Variants in MYO1D observed in about 807,000 individuals in gnomAD.
MYO1D encodes the protein myosin ID, also known as unconventional myosin-Id.
MYO1D carries 83 observed loss-of-function variants against 122.0 expected under a neutral mutation model. That is an observed-to-expected ratio of 0.68 (90% CI 0.57 to 0.82). The LOEUF is 0.82. Among genes scored for constraint, MYO1D ranks in the 40% least tolerant of loss-of-function variants. The pLI is 0.00. For synonymous variants in MYO1D, 464 were observed against 446.9 expected (o/e 1.04, Z -0.48); for missense variants, 1,157 against 1,269.5 (o/e 0.91, Z 1.35).
At chr17:32,737,384 A>T (rs2089716737) in intron 14 of MYO1D, among the ~76,000 whole-genome samples, 1 of 151,086 alleles carries the variant, frequency 6.6e-6, no homozygotes, top group Non-Finnish European at 1.5e-5. Context: ...TTTTTGAGAC[A>T]AGGTCCTGCT....
chr17:32,857,502 G>A (rs973870093), intron 1 of MYO1D, among the ~76,000 whole-genome samples: 7 of 150,948 alleles, frequency 4.6e-5, no homozygotes, highest in Non-Finnish European at 8.8e-5. Flanking sequence ...GGGGAATGGC[G>A]TGAACCCAGG....
At chr17:32,617,701 A>G (rs904728188) in intron 20 of MYO1D, among the ~76,000 whole-genome samples, 3 of 152,200 alleles carry the variant, frequency 2.0e-5, no homozygotes, top group African/African-American at 4.8e-5. Flanking sequence ...TCAGCCTCCC[A>G]AAGTGCTGGG....
Position 32,877,029 on chromosome 17 carries a change from G to A in MYO1D, c.-157C>T. On this transcript the variant is annotated 5_prime_UTR_variant, in exon 1 of 22. Transcript: ENST00000318217. ...GGCGGGTCCGGGCCGGACAGAGGCC[G>A]CCTCGCTGCTCCTCGGCGCCTTCTC... 1 of 275,564 alleles carries A rather than the reference G, an allele frequency of 3.6e-6. No homozygotes were observed. The highest frequency in any genetic ancestry group is 6.6e-6 in the Non-Finnish European group (1 of 152,480). 17.1% of individuals were successfully genotyped at this position (275,564 alleles called of 1,614,324 possible).
chr17:32,553,941 T>C (rs1043931360), intron 21 of MYO1D, among the ~76,000 whole-genome samples: 4 of 152,160 alleles, frequency 2.6e-5, no homozygotes, highest in African/African-American at 9.7e-5. Flanking sequence ...AATAAGTACG[T>C]TCTAACATGT....
chr17:32,522,811 C>T (rs886376590), intron 21 of MYO1D, among the ~76,000 whole-genome samples: 28 of 113,018 alleles, frequency 2.5e-4, no homozygotes, highest in African/African-American at 9.0e-4. Flanking sequence ...CTTAGTGTCC[C>T]CCATGTCTTT....
chr17:32,519,547 G>A (rs1017384422), intron 21 of MYO1D, among the ~76,000 whole-genome samples: 3 of 151,848 alleles, frequency 2.0e-5, no homozygotes, highest in Non-Finnish European at 2.9e-5. Flanking sequence ...CAGCGCCCGC[G>A]GCTGAAACGA....
chr17:32,530,337 A>G (rs1910469868), intron 21 of MYO1D, among the ~76,000 whole-genome samples: 1 of 152,232 alleles, frequency 6.6e-6, no homozygotes. Flanking sequence ...TAAAACTATA[A>G]TAATTGCATC....
intron 15 of MYO1D, 105 bp downstream of exon 15, chr17:32,720,918 C>T: frequency 8.5e-7 from 1 of 1,182,644 alleles, no homozygotes; most frequent in Non-Finnish European, 1.1e-6. Context: ...TTTTGTTCAC[C>T]CAACAAATAT....
At chr17:32,831,962 T>C (rs1014369117) in intron 1 of MYO1D, among the ~76,000 whole-genome samples, 2 of 152,056 alleles carry the variant, frequency 1.3e-5, no homozygotes, top group African/African-American at 4.8e-5. Flanking sequence ...AACCTTGGAG[T>C]CCAACACACC....
At chr17:32,500,660 G>C (rs1909286713) in intron 21 of MYO1D, among the ~76,000 whole-genome samples, 1 of 151,418 alleles carries the variant, frequency 6.6e-6, no homozygotes, top group African/African-American at 2.4e-5. Flanking sequence ...GCTGAGCACT[G>C]CCCAGCTGAC....
At chr17:32,495,229 C>G (rs1312585353) in intron 21 of MYO1D, among the ~76,000 whole-genome samples, 1 of 152,232 alleles carries the variant, frequency 6.6e-6, no homozygotes, top group East Asian at 1.9e-4. Context: ...GCCCCTGGGT[C>G]CTTCGGTGTA....
chr17:32,795,328 C>T (rs1004301712), intron 1 of MYO1D, among the ~76,000 whole-genome samples: 9 of 151,950 alleles, frequency 5.9e-5, no homozygotes, highest in African/African-American at 1.2e-4. Flanking sequence ...CCAGCAAACA[C>T]GGCAAGGAGA....
chr17:32,559,664 C>T (rs1032246139), intron 21 of MYO1D, among the ~76,000 whole-genome samples: 1 of 152,222 alleles, frequency 6.6e-6, no homozygotes, highest in Non-Finnish European at 1.5e-5. Context: ...ATTCTTTGCT[C>T]AATTAAACTC....
At chr17:32,771,006 G>T in intron 6 of MYO1D, 119 bp downstream of exon 6, 1 of 645,038 alleles carries the variant, frequency 1.6e-6, no homozygotes, top group East Asian at 2.9e-5. Context: ...AAATAGAACA[G>T]GATAAAAGAG....
At chr17:32,563,755 C>T (rs8072454) in intron 21 of MYO1D, among the ~76,000 whole-genome samples, 39,237 of 152,176 alleles carry the variant, frequency 0.26, 5,746 homozygotes, top group African/African-American at 0.39. Context: ...GCTGAACAGT[C>T]GCGTGGCTTC....
chr17:32,876,672 C>T, intron 1 of MYO1D, 106 bp downstream of exon 1: 1 of 915,258 alleles, frequency 1.1e-6, no homozygotes, highest in Non-Finnish European at 1.6e-6. Flanking sequence ...GCCTCCATCC[C>T]TGGAGCTTGG....
chr17:32,659,541 T>C lies in MYO1D; in HGVS notation c.2122-203A>G. On this transcript the variant is annotated intron_variant, in intron 16 of 21. Coordinates refer to ENST00000318217, the MANE Select transcript of MYO1D (RefSeq NM_015194.3). ...GTCACATCAGTCATTTTGTTTCAGCTGTCTAGCTGCTCATTATTCTACACT... is the reference window on the plus strand; with the variant it reads ...GTCACATCAGTCATTTTGTTTCAGCCGTCTAGCTGCTCATTATTCTACACT... 6.8e-6 allele frequency: 4 copies of C among 590,680 alleles called. No homozygotes were observed. The South Asian group carries it at 8.0e-5, about 12-fold the overall frequency. 36.6% of individuals were successfully genotyped at this position (590,680 alleles called of 1,614,324 possible). A position where few individuals can be genotyped will look rare whatever the true frequency, so the allele number is the denominator to read the frequency against.
At chr17:32,761,412 G>A (rs2090000543) in intron 8 of MYO1D, among the ~76,000 whole-genome samples, 1 of 152,076 alleles carries the variant, frequency 6.6e-6, no homozygotes, top group Non-Finnish European at 1.5e-5. Context: ...TTGCTCTGTC[G>A]CTCAGCATCA....
In MYO1D at chr17:32,654,610, G is replaced by T; in HGVS notation, c.2357C>A (p.Ser786Tyr). The change falls in exon 18 of 22, where the codon TCC becomes TAC. Residue 786 changes from serine to tyrosine, a missense_variant. Ser to Tyr is a moderately radical substitution (Grantham distance 144). Transcript: ENST00000318217. Reference sequence around the variant, plus strand: ...GGCCGGAATGCTCTTGATGAGCTGGGATGCTCTCCATCTACAAGTAAATAG... The same window carrying T: ...GGCCGGAATGCTCTTGATGAGCTGGTATGCTCTCCATCTACAAGTAAATAG... ...LQTIFNRWRASQLIKSIPASD... is the reference protein window; with the variant it reads ...LQTIFNRWRAYQLIKSIPASD... 1.9e-6 allele frequency: 3 copies of T among 1,609,268 alleles called. No individual in the cohort carries two copies. The highest frequency in any genetic ancestry group is 2.5e-6 in the Non-Finnish European group (3 of 1,178,298).
Sources: allele counts gnomAD v4.1 joint callset (sites outside exome capture counted in the v4.1 genomes callset), GRCh38; gene constraint gnomAD v4.1.1; transcripts MANE v1.5; gene names NCBI Gene and HGNC (gene_info 2026-07-23, HGNC 2026-07-21).